The following CNTNAP2 variants were observed in gnomAD, a reference collection of about 807,000 sequenced individuals.
CNTNAP2 encodes contactin associated protein 2.
A neutral mutation model predicts 155.2 loss-of-function variants in CNTNAP2; 98 were observed. The observed-to-expected ratio is 0.63, with a 90% CI of 0.54 to 0.75. The LOEUF is 0.75. Ranked by LOEUF, CNTNAP2 falls within the 30% of genes least tolerant of loss-of-function variation. The pLI, the probability that CNTNAP2 is intolerant of heterozygous loss-of-function variation, is 0.00. For synonymous variants in CNTNAP2, 651 were observed against 631.2 expected (o/e 1.03, Z -0.47); for missense variants, 1,727 against 1,688.1 (o/e 1.02, Z -0.40).
In CNTNAP2 at chr7:148,416,580, T is replaced by C. The variant is rs1480360730; in HGVS notation, c.*964T>C. On this transcript the variant is annotated 3_prime_UTR_variant, in exon 24 of 24. Coordinates refer to ENST00000361727, the MANE Select transcript of CNTNAP2 (RefSeq NM_014141.6). Reference sequence around the variant, plus strand: ...GGATAATTTCTAGTGAATGCATAAATTAGGTTGCGTTTCTTATTTTGCTTT... The same window carrying C: ...GGATAATTTCTAGTGAATGCATAAACTAGGTTGCGTTTCTTATTTTGCTTT... The C allele has an allele frequency of 6.6e-6, 1 of 152,658 alleles. No individual in the cohort carries two copies. Among genetic ancestry groups the C allele is most frequent in the African/African-American group, 2.4e-5 (1 of 41,464 alleles). 9.5% of individuals were successfully genotyped at this position (152,658 alleles called of 1,614,324 possible).
intron 1 of CNTNAP2, among the ~76,000 whole-genome samples, chr7:146,665,640 A>G (rs6464770): frequency 0.82 from 123,930 of 151,272 alleles, 51,451 homozygotes; most frequent in South Asian, 0.92. Context: ...AATTAGCCAA[A>G]TGTGGTGGCG....
At chr7:147,880,854 G>GGT (rs71183032) in intron 13 of CNTNAP2, among the ~76,000 whole-genome samples, 15,986 of 143,030 alleles carry the variant, frequency 0.11, 861 homozygotes, top group East Asian at 0.15. Flanking sequence ...ATTGGAGTTG[G>GGT]GTGTGTGTGT....
chr7:146,342,745 G>T (rs1794750490), intron 1 of CNTNAP2, among the ~76,000 whole-genome samples: 1 of 152,130 alleles, frequency 6.6e-6, no homozygotes, highest in South Asian at 2.1e-4. Context: ...GAGCTATATT[G>T]TCCCATTTAT....
chr7:146,235,947 T>C (rs1420166734), intron 1 of CNTNAP2, among the ~76,000 whole-genome samples: 1 of 139,598 alleles, frequency 7.2e-6, no homozygotes, highest in African/African-American at 2.7e-5. Context: ...ATAGTACATA[T>C]GGAAATGTGT....
intron 3 of CNTNAP2, among the ~76,000 whole-genome samples, chr7:147,010,464 A>G (rs1416279926): frequency 6.6e-6 from 1 of 152,162 alleles, no homozygotes. Flanking sequence ...ACACGTATAT[A>G]TGAATCTAAA....
At chr7:146,882,176 G>T (rs953158269) in intron 3 of CNTNAP2, among the ~76,000 whole-genome samples, 2 of 152,110 alleles carry the variant, frequency 1.3e-5, no homozygotes, top group African/African-American at 4.8e-5. Flanking sequence ...TTTTAGTGGT[G>T]TATATAAACC....
At chr7:147,056,799 C>G (rs1334060204) in intron 4 of CNTNAP2, among the ~76,000 whole-genome samples, 2 of 151,984 alleles carry the variant, frequency 1.3e-5, no homozygotes, top group African/African-American at 4.8e-5. Flanking sequence ...TGGAGACATT[C>G]TCACTCTGTC....
intron 9 of CNTNAP2, among the ~76,000 whole-genome samples, chr7:147,328,370 C>A (rs1387803827): frequency 6.6e-6 from 1 of 152,166 alleles, no homozygotes; most frequent in African/African-American, 2.4e-5. Context: ...ACTAATATAG[C>A]TGGAGGTTGT....
chr7:146,897,227 T>G (rs1795896376), intron 3 of CNTNAP2, among the ~76,000 whole-genome samples: 1 of 152,108 alleles, frequency 6.6e-6, no homozygotes, highest in Non-Finnish European at 1.5e-5. Flanking sequence ...TTACCTGTTT[T>G]CAACTTTTAC....
chr7:148,073,946 G>A (rs910370171), intron 15 of CNTNAP2, among the ~76,000 whole-genome samples: 1 of 152,116 alleles, frequency 6.6e-6, no homozygotes, highest in South Asian at 2.1e-4. Flanking sequence ...AATGTGCTCG[G>A]ATTTTGGTAT....
At chr7:148,219,837 C>A (rs1030705389) in intron 19 of CNTNAP2, among the ~76,000 whole-genome samples, 15 of 151,772 alleles carry the variant, frequency 9.9e-5, no homozygotes, top group African/African-American at 2.9e-4. Flanking sequence ...TATAACAGAG[C>A]AAGACCCTGT....
At chr7:147,158,107 G>T (rs568321416) in intron 8 of CNTNAP2, among the ~76,000 whole-genome samples, 15 of 152,186 alleles carry the variant, frequency 9.9e-5, no homozygotes, top group African/African-American at 3.4e-4. Context: ...AGTTCACTCT[G>T]ACATTGTCTT....
At chr7:147,848,323 GA>G (rs1798851928) in intron 13 of CNTNAP2, among the ~76,000 whole-genome samples, 1 of 150,370 alleles carries the variant, frequency 6.7e-6, no homozygotes, top group Non-Finnish European at 1.5e-5. Flanking sequence ...AAGCCGGTCT[GA>G]AAAGTGCAAT....
At chr7:147,817,607 A>T (rs184936104) in intron 13 of CNTNAP2, among the ~76,000 whole-genome samples, 11 of 152,146 alleles carry the variant, frequency 7.2e-5, no homozygotes, top group Non-Finnish European at 1.2e-4. Context: ...GAAAAAATTT[A>T]AAAAATAGCA....
chr7:146,203,841 A>T (rs909318972), intron 1 of CNTNAP2, among the ~76,000 whole-genome samples: 1 of 152,104 alleles, frequency 6.6e-6, no homozygotes, highest in Non-Finnish European at 1.5e-5. Context: ...TATGCCAAAA[A>T]CTGGGGATGA....
At chr7:146,975,588 G>A (rs1466635015) in intron 3 of CNTNAP2, among the ~76,000 whole-genome samples, 1 of 152,118 alleles carries the variant, frequency 6.6e-6, no homozygotes, top group Non-Finnish European at 1.5e-5. Context: ...TGTAATCAGG[G>A]TCCTTAACTG....
intron 9 of CNTNAP2, among the ~76,000 whole-genome samples, chr7:147,332,719 G>A (rs563774579): frequency 2.0e-5 from 3 of 152,104 alleles, no homozygotes; most frequent in East Asian, 3.9e-4. Flanking sequence ...AGAATTAGCC[G>A]GCTGTGGTAG....
intron 1 of CNTNAP2, among the ~76,000 whole-genome samples, chr7:146,741,680 G>A (rs1251369015): frequency 6.6e-6 from 1 of 152,160 alleles, no homozygotes; most frequent in Non-Finnish European, 1.5e-5. Context: ...AATGGGCATG[G>A]AGGGTGAGGA....
intron 13 of CNTNAP2, among the ~76,000 whole-genome samples, chr7:147,892,964 C>T (rs1799718031): frequency 6.6e-6 from 1 of 152,148 alleles, no homozygotes; most frequent in African/African-American, 2.4e-5. Context: ...AAATGCTCAC[C>T]TTTAACTACC....
Sources: gnomAD v4.1 joint callset for allele counts (sites outside exome capture counted in the v4.1 genomes callset) on GRCh38, gnomAD v4.1.1 for gene constraint, MANE v1.5 for transcripts, NCBI Gene and HGNC (gene_info 2026-07-23, HGNC 2026-07-21) for gene names.